Variants in UGT1A9 observed in about 807,000 individuals in gnomAD.
UGT1A9 encodes UDP-glucuronosyltransferase 1A9.
Under a neutral mutation model 45.0 loss-of-function variants are expected in UGT1A9, and 35 were observed. That is an observed-to-expected ratio of 0.78 (90% CI 0.59 to 1.03). The LOEUF (loss-of-function observed/expected upper bound fraction) is 1.03, where lower values mean the gene tolerates loss of function less well. UGT1A9 is among the 50% of genes least tolerant of loss of function. The pLI is 0.00. For missense variants in UGT1A9, 687 were observed against 666.6 expected (o/e 1.03, Z -0.34); for synonymous variants, 278 against 250.6 (o/e 1.11, Z -1.03).
intron 1 of UGT1A9, among the ~76,000 whole-genome samples, chr2:233,686,879 G>T (rs1321827136): frequency 1.1e-4 from 16 of 151,924 alleles, no homozygotes; most frequent in Admixed American, 4.6e-4. Flanking sequence ...CACTTTTTCT[G>T]CATGATTCCT....
chr2:233,672,339 A>G lies in UGT1A9; in HGVS notation c.405A>G (p.Glu135=). 6.2e-7 allele frequency: 1 copy of G among 1,614,172 alleles called. No homozygotes were observed. The highest frequency in any genetic ancestry group is 8.5e-7 in the Non-Finnish European group (1 of 1,180,014). ...RSLFKDKKLV[E]YLKESSFDAV... ...TGTTTAAAGACAAAAAATTAGTAGAATACTTAAAGGAGAGTTCTTTTGATG... is the reference window on the plus strand; with the variant it reads ...TGTTTAAAGACAAAAAATTAGTAGAGTACTTAAAGGAGAGTTCTTTTGATG... The change falls in exon 1 of 5, where the codon GAA becomes GAG. Residue 135 remains glutamate, a synonymous_variant. Transcript: ENST00000354728.
At chr2:233,715,656 C>T (rs1272409868) in intron 1 of UGT1A9, among the ~76,000 whole-genome samples, 1 of 152,072 alleles carries the variant, frequency 6.6e-6, no homozygotes, top group Non-Finnish European at 1.5e-5. Context: ...CCTGTGGTCC[C>T]AGCTACTCGG....
At chr2:233,738,294 G>T (rs1255445696) in intron 1 of UGT1A9, among the ~76,000 whole-genome samples, 4 of 152,100 alleles carry the variant, frequency 2.6e-5, no homozygotes, top group Non-Finnish European at 4.4e-5. Flanking sequence ...CCCAGTCTTG[G>T]GTATGTCTTT....
chr2:233,692,984 G>A (rs2075124795), intron 1 of UGT1A9: 7 of 1,613,412 alleles, frequency 4.3e-6, no homozygotes, highest in Non-Finnish European at 5.9e-6. Context: ...TATTACCGTT[G>A]TTACTTTAAC....
chr2:233,708,606 C>G (rs1434910619), intron 1 of UGT1A9: 1 of 152,132 alleles, frequency 6.6e-6, no homozygotes, highest in African/African-American at 2.4e-5. Context: ...AAAAACCTAG[C>G]TGGACATGGT....
intron 1 of UGT1A9, among the ~76,000 whole-genome samples, chr2:233,739,561 C>T (rs1384558605): frequency 1.3e-5 from 2 of 152,192 alleles, no homozygotes; most frequent in African/African-American, 4.8e-5. Flanking sequence ...TAATGACTGC[C>T]CTGCCTGGTT....
chr2:233,768,295 C>A lies in UGT1A9; in HGVS notation c.1151C>A (p.Pro384His). 1.9e-6 allele frequency: 3 copies of A among 1,614,158 alleles called. No individual in the cohort carries two copies. Among genetic ancestry groups the A allele is most frequent in the South Asian group, 2.2e-5 (2 of 91,082 alleles). ...GVYESICNGV[P>H]MVMMPLFGDQ... The stretch of plus-strand genomic sequence containing the variant: ...TATGAAAGCATATGCAATGGCGTTC[C>A]CATGGTGATGATGCCCTTGTTTGGT... Residue 384 changes from proline (P) to histidine (H), a missense_variant, in exon 4 of 5, where the codon CCC (proline) becomes CAC (histidine). Coordinates refer to ENST00000354728, the MANE Select transcript of UGT1A9 (RefSeq NM_021027.3).
chr2:233,773,128 A>G lies in UGT1A9; in HGVS notation c.*569A>G. On this transcript the variant is annotated 3_prime_UTR_variant, in exon 5 of 5. Transcript: ENST00000354728. ...TGATTTCTTGCTTTGGGGAAAAAGA[A>G]TGATGCTATGAAATTGGTGGGTGGT... The G allele has an allele frequency of 6.4e-6, 1 of 155,198 alleles. No homozygotes were observed. Among genetic ancestry groups the G allele is most frequent in the Non-Finnish European group, 1.4e-5 (1 of 69,704 alleles). 9.6% of individuals were successfully genotyped at this position (155,198 alleles called of 1,614,324 possible). A position where few individuals can be genotyped will look rare whatever the true frequency, so the allele number is the denominator to read the frequency against.
intron 1 of UGT1A9, among the ~76,000 whole-genome samples, chr2:233,757,560 A>ATATATATATATATATATATATATG (rs904896556): frequency 5.7e-5 from 7 of 123,150 alleles, no homozygotes; most frequent in African/African-American, 2.4e-4. Context: ...ATATATATAT[A>ATATATATATATATATATATATATG]TGTATATATG....
intron 1 of UGT1A9, among the ~76,000 whole-genome samples, chr2:233,674,383 A>AC (rs1436721914): frequency 6.6e-6 from 1 of 152,122 alleles, no homozygotes; most frequent in Admixed American, 6.6e-5. Flanking sequence ...TCTCCCCTTT[A>AC]CCCTCCATAA....
At chr2:233,732,936 C>G (rs2078338075) in intron 1 of UGT1A9, among the ~76,000 whole-genome samples, 1 of 152,082 alleles carries the variant, frequency 6.6e-6, no homozygotes, top group African/African-American at 2.4e-5. Flanking sequence ...TTCTTCCTAT[C>G]CATGAGCATG....
intron 1 of UGT1A9, among the ~76,000 whole-genome samples, chr2:233,721,082 T>C (rs2125680652): frequency 6.6e-6 from 1 of 152,322 alleles, no homozygotes; most frequent in South Asian, 2.1e-4. Flanking sequence ...TGAACTTCCA[T>C]GAGTTTAGGT....
At chr2:233,728,474 GATC>G (rs1486985053) in intron 1 of UGT1A9, among the ~76,000 whole-genome samples, 1 of 152,138 alleles carries the variant, frequency 6.6e-6, no homozygotes, top group Non-Finnish European at 1.5e-5. Flanking sequence ...CCAAGAATCT[GATC>G]ATCACATCTT....
intron 1 of UGT1A9, among the ~76,000 whole-genome samples, chr2:233,751,459 G>C (rs1297643220): frequency 6.6e-6 from 1 of 152,208 alleles, no homozygotes; most frequent in Non-Finnish European, 1.5e-5. Context: ...TTGTTGGGAA[G>C]GCACGATTGG....
rs548796271 is a variant in UGT1A9, at chr2:233,768,515, C to A, written c.1295+76C>A. 220 of 1,546,098 alleles carry A rather than the reference C, an allele frequency of 1.4e-4. No individual in the cohort carries two copies. In the African/African-American group the frequency reaches 2.5e-3, roughly 18 times the overall value. ...ATTGTTTCAAATATGAAAACATTTA[C>A]GTAGCATTTAATAGCGTTGTTTCAA... On this transcript the variant is annotated intron_variant, in intron 4 of 4. Transcript: ENST00000354728.
intron 1 of UGT1A9, chr2:233,693,464 C>G: frequency 1.2e-6 from 2 of 1,614,126 alleles, no homozygotes; most frequent in South Asian, 1.1e-5. Flanking sequence ...CCCAGCCTTA[C>G]CCTGTGGGGT....
chr2:233,748,526 A>G (rs1693963242), intron 1 of UGT1A9, among the ~76,000 whole-genome samples: 1 of 151,860 alleles, frequency 6.6e-6, no homozygotes, highest in South Asian at 2.1e-4. Context: ...CGAATGATAG[A>G]GAGGTGACCA....
intron 1 of UGT1A9, among the ~76,000 whole-genome samples, chr2:233,756,740 T>G (rs1165580582): frequency 6.6e-6 from 1 of 152,136 alleles, no homozygotes; most frequent in Non-Finnish European, 1.5e-5. Flanking sequence ...CTTCACCTCC[T>G]CCTTATTCTC....
chr2:233,724,361 G>C (rs2077237961), intron 1 of UGT1A9, among the ~76,000 whole-genome samples: 2 of 148,044 alleles, frequency 1.4e-5, no homozygotes, highest in African/African-American at 2.5e-5. Context: ...CTCCCTCCCG[G>C]ACGGGGTGGC....
Sources: allele counts gnomAD v4.1 joint callset (sites outside exome capture counted in the v4.1 genomes callset), GRCh38; gene constraint gnomAD v4.1.1; transcripts MANE v1.5; gene names NCBI Gene and HGNC (gene_info 2026-07-23, HGNC 2026-07-21).